The following BUB1 variants were observed in gnomAD, a reference collection of about 807,000 sequenced individuals.
The protein encoded by BUB1 is BUB1 mitotic checkpoint serine/threonine kinase.
In BUB1, 84 loss-of-function variants were observed where a neutral mutation model predicts 135.2. The observed-to-expected ratio is 0.62, with a 90% confidence interval of 0.52 to 0.74. The LOEUF is 0.74. Among genes scored for constraint, BUB1 ranks in the 30% least tolerant of loss-of-function variants. The pLI is 0.00. For synonymous variants in BUB1, 403 were observed against 434.4 expected, an observed-to-expected ratio of 0.93 and a Z score of 0.90; for missense variants, 1,162 against 1,288.3, an observed-to-expected ratio of 0.90 and a Z score of 1.50.
In BUB1 at chr2:110,661,684, G is replaced by C; in HGVS notation, c.1115C>G (p.Ala372Gly). 6.2e-7 allele frequency: 1 copy of C among 1,614,216 alleles called. No individual in the cohort carries two copies. Among genetic ancestry groups the C allele is most frequent in the South Asian group, 1.1e-5 (1 of 91,076 alleles). The change falls in exon 10 of 25, where the codon GCT (alanine) becomes GGT (glycine). Residue 372 changes from alanine (A) to glycine (G), a missense_variant. By Grantham distance (60) the Ala-to-Gly change is moderately conservative. Coordinates refer to ENST00000302759, the MANE Select transcript of BUB1 (RefSeq NM_004336.5). ...VPPLANAISA[A>G]LVSPATSQSI... The stretch of plus-strand genomic sequence containing the variant: ...CTGGCTGGTGGCTGGGGACACCAAA[G>C]CTGCAGAAATAGCATTTGCCAAAGG...
chr2:110,665,729 G>A (rs1182168542), intron 9 of BUB1, among the ~76,000 whole-genome samples: 1 of 151,884 alleles, frequency 6.6e-6, no homozygotes, highest in Non-Finnish European at 1.5e-5. Flanking sequence ...AAATATGTAA[G>A]AAAATAAAGT....
rs1026865593 is a variant in BUB1, at chr2:110,637,954, T to C, written c.*10A>G. ...CAGTGTGATTTTTAAGGACTGTCTA[T>C]ATCCAAATTTTATTTTCGTGAACGC... On this transcript the variant is annotated 3_prime_UTR_variant, in exon 25 of 25. Transcript: ENST00000302759. 2.7e-6 allele frequency: 4 copies of C among 1,457,964 alleles called. No individual in the cohort carries two copies. The highest frequency in any genetic ancestry group is 3.6e-6 in the Non-Finnish European group (4 of 1,097,858). The allele number at this position is 1,457,964 out of a possible 1,614,324, so 90.3% of individuals were successfully genotyped here.
intron 11 of BUB1, among the ~76,000 whole-genome samples, chr2:110,659,641 G>T (rs1044456919): frequency 6.6e-6 from 1 of 152,130 alleles, no homozygotes; most frequent in Non-Finnish European, 1.5e-5. Flanking sequence ...AAGTAGTACC[G>T]AATAACAGTG....
intron 15 of BUB1, among the ~76,000 whole-genome samples, chr2:110,656,266 A>T (rs1459855924): frequency 1.3e-5 from 2 of 152,194 alleles, no homozygotes; most frequent in African/African-American, 4.8e-5. Flanking sequence ...ACTGTGGCAC[A>T]TTTGTAAAAA....
rs747685408 is a variant in BUB1, at chr2:110,657,579, T to G, written c.1583A>C (p.His528Pro). 6.2e-7 allele frequency: 1 copy of G among 1,608,610 alleles called. No individual in the cohort carries two copies. Among genetic ancestry groups the G allele is most frequent in the South Asian group, 1.1e-5 (1 of 90,148 alleles). ...TTCTTTGTTTCCATCTTCAAACACATGAAAAGCAGATGACAAAGAAGAGAT... is the reference window on the plus strand; with the variant it reads ...TTCTTTGTTTCCATCTTCAAACACAGGAAAAGCAGATGACAAAGAAGAGAT... ...KIISSLSSAF[H>P]VFEDGNKENY... The change falls in exon 14 of 25, where the codon CAT becomes CCT. Residue 528 changes from histidine (H) to proline (P), a missense_variant. Coordinates refer to ENST00000302759, the MANE Select transcript of BUB1 (RefSeq NM_004336.5).
chr2:110,660,517 T>A (rs890922076), intron 10 of BUB1, among the ~76,000 whole-genome samples: 1 of 152,182 alleles, frequency 6.6e-6, no homozygotes, highest in Non-Finnish European at 1.5e-5. Context: ...ACTTAGGGTC[T>A]ACAGTGTTAG....
intron 9 of BUB1, among the ~76,000 whole-genome samples, chr2:110,663,799 T>C (rs1004445313): frequency 5.9e-5 from 9 of 152,086 alleles, no homozygotes; most frequent in Non-Finnish European, 1.0e-4. Flanking sequence ...GGGGCCAAGG[T>C]GGGCGGATCA....
chr2:110,666,384 T>G lies in BUB1; in HGVS notation c.836A>C (p.Lys279Thr), dbSNP rs144975043. Reference sequence around the variant, plus strand: ...CTGTTCTTCAAAAGCATTTGCTTCTTTCCTTTTCATATAATGTCTGTCTTC... The same window carrying G: ...CTGTTCTTCAAAAGCATTTGCTTCTGTCCTTTTCATATAATGTCTGTCTTC... ...VNEDRHYMKR[K>T]EANAFEEQLL... The change falls in exon 9 of 25, where the codon AAA becomes ACA. Residue 279 changes from lysine to threonine, a missense_variant. Physicochemically the swap from Lys to Thr is moderately conservative, Grantham distance 78. Coordinates refer to ENST00000302759, the MANE Select transcript of BUB1 (RefSeq NM_004336.5). 1 of 1,502,162 alleles carries G rather than the reference T, an allele frequency of 6.7e-7. No individual in the cohort carries two copies. Among genetic ancestry groups the G allele is most frequent in the East Asian group, 2.5e-5 (1 of 40,620 alleles). 93.1% of individuals were successfully genotyped at this position (1,502,162 alleles called of 1,614,324 possible).
chr2:110,647,565 A>G lies in BUB1; in HGVS notation c.2347+1669T>C, dbSNP rs368959708. Among the ~76,000 whole-genome samples the G allele has an allele frequency of 2.0e-5, 3 of 152,298 alleles. 1 individual carries two copies. The highest frequency in any genetic ancestry group is 1.9e-4 in the East Asian group (1 of 5,186). The stretch of plus-strand genomic sequence containing the variant: ...AACACCCACTTATGATTAAAAAAAA[A>G]ACCCTCTCAGCAAACTAGGAATAGA... On this transcript the variant is annotated intron_variant, in intron 19 of 24. Transcript: ENST00000302759.
Position 110,657,597 on chromosome 2 carries a change from G to C in BUB1, c.1565C>G (p.Ser522Cys). ...AAACACATGAAAAGCAGATGACAAA[G>C]AAGAGATGATCTTATTGACTCCCCA... ...GAWGVNKIIS[S>C]LSSAFHVFED... The change falls in exon 14 of 25, where the codon TCT (serine) becomes TGT (cysteine). Residue 522 changes from serine to cysteine, a missense_variant. Physicochemically the swap from Ser to Cys is moderately radical, Grantham distance 112. Transcript: ENST00000302759. 6.2e-7 allele frequency: 1 copy of C among 1,607,488 alleles called. No homozygotes were observed. Among genetic ancestry groups the C allele is most frequent in the Non-Finnish European group, 8.5e-7 (1 of 1,176,738 alleles).
At chr2:110,642,317 T>A (rs769693608) in intron 19 of BUB1, 83 bp from the exon 20 acceptor site, 2 of 912,554 alleles carry the variant, frequency 2.2e-6, no homozygotes, top group Non-Finnish European at 1.7e-6. Context: ...TACAAAGACA[T>A]AGAGTTTTCT....
chr2:110,649,511 T>A, intron 18 of BUB1, 134 bp from the exon 19 acceptor site: 1 of 849,470 alleles, frequency 1.2e-6, no homozygotes, highest in Non-Finnish European at 1.7e-6. Context: ...GAGTATTAAT[T>A]CAAAATAAAA....
At chr2:110,677,152 G>A (rs1230169663) in intron 1 of BUB1, among the ~76,000 whole-genome samples, 2 of 152,102 alleles carry the variant, frequency 1.3e-5, no homozygotes, top group African/African-American at 2.4e-5. Flanking sequence ...GTCAAAACAG[G>A]ACCAGGAATA....
intron 1 of BUB1, chr2:110,674,845 C>A (rs1398239388): frequency 1.0e-5 from 2 of 193,892 alleles, no homozygotes; most frequent in African/African-American, 4.8e-5. Context: ...CTCTGCCCTT[C>A]CAGTGGGATC....
intron 1 of BUB1, among the ~76,000 whole-genome samples, chr2:110,677,188 G>A (rs1690613387): frequency 6.6e-6 from 1 of 152,166 alleles, no homozygotes; most frequent in Admixed American, 6.5e-5. Flanking sequence ...AAAAAGGGGC[G>A]GGGGACTTCT....
At chr2:110,674,927 C>G (rs576656522) in intron 1 of BUB1, 1 of 159,600 alleles carries the variant, frequency 6.3e-6, no homozygotes, top group Non-Finnish European at 1.4e-5. Context: ...AGACACCTGC[C>G]TTTGCTTCCC....
At chr2:110,661,511 T>C in intron 10 of BUB1, 71 bp downstream of exon 10, 8 of 1,521,596 alleles carry the variant, frequency 5.3e-6, no homozygotes, top group South Asian at 1.2e-5. Flanking sequence ...TTCCTGATAA[T>C]GCAGGTCATG....
Position 110,666,387 on chromosome 2 carries a change from CT to C in BUB1, c.832del (p.Arg278GlyfsTer12). 1 of 1,492,728 alleles carries C rather than the reference CT, an allele frequency of 6.7e-7. No individual in the cohort carries two copies. The highest frequency in any genetic ancestry group is 2.2e-5 in the Admixed American group (1 of 46,136). 92.5% of individuals were successfully genotyped at this position (1,492,728 alleles called of 1,614,324 possible). A position where few individuals can be genotyped will look rare whatever the true frequency, so the allele number is the denominator to read the frequency against. Reference sequence around the variant, plus strand: ...TTCTTCAAAAGCATTTGCTTCTTTCCTTTTCATATAATGTCTGTCTTCATTT... The same window carrying C: ...TTCTTCAAAAGCATTTGCTTCTTTCCTTTCATATAATGTCTGTCTTCATTT... ...WVNEDRHYMK[R>X]KEANAFEEQL... On this transcript the variant is annotated frameshift_variant, in exon 9 of 25. Transcript: ENST00000302759. LOFTEE classifies it high-confidence loss of function.
intron 4 of BUB1, among the ~76,000 whole-genome samples, chr2:110,671,131 A>C (rs1690408893): frequency 6.6e-6 from 1 of 152,344 alleles, no homozygotes; most frequent in Middle Eastern, 3.4e-3. Context: ...ACTATAAAGC[A>C]ACCAAGTGGT....
Sources: gnomAD v4.1 joint callset for allele counts (sites outside exome capture counted in the v4.1 genomes callset) on GRCh38, gnomAD v4.1.1 for gene constraint, MANE v1.5 for transcripts, NCBI Gene and HGNC (gene_info 2026-07-23, HGNC 2026-07-21) for gene names.